PADI4: variants seen among roughly 807,000 people sequenced by gnomAD.
PADI4 encodes protein-arginine deiminase type-4.
In PADI4, 62 loss-of-function variants were observed where a neutral mutation model predicts 75.0. That is an observed-to-expected ratio of 0.83 (90% confidence interval 0.67 to 1.02). The LOEUF (loss-of-function observed/expected upper bound fraction) is 1.02, where lower values mean the gene tolerates loss of function less well. PADI4 is among the 50% of genes least tolerant of loss of function. The pLI is 0.00. For synonymous variants in PADI4, 361 were observed against 348.1 expected, an observed-to-expected ratio of 1.04 and a Z score of -0.41; for missense variants, 845 against 850.5, an observed-to-expected ratio of 0.99 and a Z score of 0.08.
chr1:17,343,448 C>G (rs115312331), intron 8 of PADI4, among the ~76,000 whole-genome samples: 1 of 152,044 alleles, frequency 6.6e-6, no homozygotes, highest in East Asian at 1.9e-4. Flanking sequence ...GTGGTCAGGA[C>G]GCAGGCTGGA....
intron 1 of PADI4, among the ~76,000 whole-genome samples, chr1:17,318,651 T>C (rs2073981123): frequency 6.6e-6 from 1 of 152,080 alleles, no homozygotes. Context: ...TTGCCGTTCA[T>C]ATGCACACAA....
Position 17,354,603 on chromosome 1 carries a change from AC to A in PADI4, c.1228del (p.Leu410TrpfsTer3). 6.2e-7 allele frequency: 1 copy of A among 1,614,146 alleles called. No individual in the cohort carries two copies. The highest frequency in any genetic ancestry group is 8.5e-7 in the Non-Finnish European group (1 of 1,179,996). On this transcript the variant is annotated frameshift_variant, in exon 11 of 16. Transcript: ENST00000375448. LOFTEE classifies it high-confidence loss of function. ...ATCAGTGGACTGGACTCCTTTGGGAACCTGGAAGTGAGCCCCCCAGTCACAG... is the reference window on the plus strand; with the variant it reads ...ATCAGTGGACTGGACTCCTTTGGGAACTGGAAGTGAGCCCCCCAGTCACAG... ...GGISGLDSFG[N>X]LEVSPPVTVR...
chr1:17,330,327 G>A (rs2074187565), intron 1 of PADI4, among the ~76,000 whole-genome samples: 1 of 152,200 alleles, frequency 6.6e-6, no homozygotes, highest in African/African-American at 2.4e-5. Flanking sequence ...GGGAAAAGGA[G>A]TATATTAGTC....
intron 1 of PADI4, among the ~76,000 whole-genome samples, chr1:17,314,485 G>GC (rs1318125202): frequency 2.0e-5 from 3 of 152,198 alleles, no homozygotes; most frequent in Non-Finnish European, 4.4e-5. Context: ...GCCGGGAACT[G>GC]CCCCCTGGGC....
rs1473461931 is a variant in PADI4 at position 17,342,053 on chromosome 1, G to A, written c.763G>A (p.Ala255Thr). The change falls in exon 7 of 16, where the codon GCT becomes ACT. Residue 255 changes from alanine (A) to threonine (T), a missense_variant. Coordinates refer to ENST00000375448, the MANE Select transcript of PADI4 (RefSeq NM_012387.3). ...CATGGACTTCTACGTGGAGGCCCTC[G>A]CTTTCCCGGACACCGACTTCCCGGG... is the stretch of plus-strand genomic sequence containing the variant. Reference protein sequence around the residue: ...HNMDFYVEALAFPDTDFPGLI... With the variant: ...HNMDFYVEALTFPDTDFPGLI... 11 of 1,614,052 alleles carry A rather than the reference G, an allele frequency of 6.8e-6. No individual in the cohort carries two copies. The highest frequency in any genetic ancestry group is 2.7e-5 in the African/African-American group (2 of 75,022).
rs145994265 is a variant in PADI4, at chr1:17,308,360, C to A, written c.92+46C>A. ...GGTTTTGGAGGCAGGTCAGGAGATG[C>A]TGGATGACCCAGTTCTACTGACACA... is the stretch of plus-strand genomic sequence containing the variant. On this transcript the variant is annotated intron_variant, in intron 1 of 15. Transcript: ENST00000375448. The A allele has an allele frequency of 2.7e-3, 3,785 of 1,426,826 alleles. 86 individuals carry two copies. In the African/African-American group the frequency reaches 0.044, roughly 17 times the overall value. The allele number at this position is 1,426,826 out of a possible 1,614,324, so 88.4% of individuals were successfully genotyped here. A position where few individuals can be genotyped will look rare whatever the true frequency, so the allele number is the denominator to read the frequency against.
At chr1:17,310,433 G>A (rs898026243) in intron 1 of PADI4, among the ~76,000 whole-genome samples, 5 of 152,032 alleles carry the variant, frequency 3.3e-5, no homozygotes, top group Non-Finnish European at 5.9e-5. Flanking sequence ...AGCAGCCATC[G>A]GCCTCTTCCT....
At chr1:17,344,478 T>A (rs2074479662) in intron 8 of PADI4, among the ~76,000 whole-genome samples, 1 of 152,210 alleles carries the variant, frequency 6.6e-6, no homozygotes, top group Non-Finnish European at 1.5e-5. Context: ...GAGGAAAATG[T>A]CTCCAGGGCA....
chr1:17,308,348 G>A (rs751486508), intron 1 of PADI4, 34 bp downstream of exon 1: 21 of 1,542,730 alleles, frequency 1.4e-5, no homozygotes, highest in Middle Eastern at 1.7e-4. Context: ...TTTGGAGGCA[G>A]GTCAGGAGAT....
chr1:17,324,315 G>A (rs966025465), intron 1 of PADI4, among the ~76,000 whole-genome samples: 1 of 151,910 alleles, frequency 6.6e-6, no homozygotes, highest in African/African-American at 2.4e-5. Context: ...TTACTTGTTA[G>A]TAAGGTGGAG....
At chr1:17,311,970 G>A (rs943843008) in intron 1 of PADI4, among the ~76,000 whole-genome samples, 4 of 152,126 alleles carry the variant, frequency 2.6e-5, no homozygotes, top group African/African-American at 9.7e-5. Flanking sequence ...ATTATATAAT[G>A]CACACAAAGT....
Position 17,363,519 on chromosome 1 carries a change from C to A in PADI4, c.1759-3C>A. 1.2e-6 allele frequency: 2 copies of A among 1,605,612 alleles called. No individual in the cohort carries two copies. Among genetic ancestry groups the A allele is most frequent in the Non-Finnish European group, 8.5e-7 (1 of 1,173,058 alleles). ...TGTGACCTGAACCCTCACTTCCCTG[C>A]AGGTGAACATGCTGGTGCTAGGGAA... is the stretch of plus-strand genomic sequence containing the variant. On this transcript the variant is annotated splice_region_variant and splice_polypyrimidine_tract_variant and intron_variant, in intron 15 of 15. Coordinates refer to ENST00000375448, the MANE Select transcript of PADI4 (RefSeq NM_012387.3).
chr1:17,353,194 T>C (rs2074697082), intron 10 of PADI4, among the ~76,000 whole-genome samples: 1 of 152,042 alleles, frequency 6.6e-6, no homozygotes, highest in Non-Finnish European at 1.5e-5. Context: ...CCAGGCGCAG[T>C]AGCTCACACC....
intron 15 of PADI4, among the ~76,000 whole-genome samples, chr1:17,361,787 C>G (rs71644045): frequency 6.6e-6 from 1 of 152,214 alleles, no homozygotes; most frequent in Non-Finnish European, 1.5e-5. Flanking sequence ...ACCTGCCAAT[C>G]TAATGGAGGA....
intron 1 of PADI4, among the ~76,000 whole-genome samples, chr1:17,326,968 T>C (rs1428314523): frequency 6.7e-6 from 1 of 148,466 alleles, no homozygotes; most frequent in Non-Finnish European, 1.5e-5. Context: ...TGGGGTACAG[T>C]GGTGCAATAT....
chr1:17,350,237 G>C lies in PADI4; in HGVS notation c.1155+2189G>C, dbSNP rs1357675269. On this transcript the variant is annotated intron_variant, in intron 10 of 15. Transcript: ENST00000375448. The stretch of plus-strand genomic sequence containing the variant: ...GCACAAAGCTTCACACACAGTGGTT[G>C]TTCTTCCTGTAAGCATCGTCAGTAA... 4.6e-5 allele frequency among the ~76,000 whole-genome samples: 6 copies of C among 129,300 alleles called. 2 individuals are homozygous for C. Among genetic ancestry groups the C allele is most frequent in the Non-Finnish European group, 1.0e-4 (6 of 57,294 alleles). 84.8% of individuals were successfully genotyped at this position (129,300 alleles called of 152,430 possible).
At chr1:17,310,694 C>A (rs1283384525) in intron 1 of PADI4, among the ~76,000 whole-genome samples, 2 of 152,156 alleles carry the variant, frequency 1.3e-5, no homozygotes, top group Non-Finnish European at 2.9e-5. Flanking sequence ...GGCACGGTGG[C>A]TTATGCCTGT....
chr1:17,334,886 A>C, intron 3 of PADI4: 1 of 263,046 alleles, frequency 3.8e-6, no homozygotes. Context: ...TCACACCTGC[A>C]ATCCCAGCGC....
intron 10 of PADI4, among the ~76,000 whole-genome samples, chr1:17,352,836 A>G (rs544483035): frequency 6.6e-6 from 1 of 152,200 alleles, no homozygotes; most frequent in East Asian, 1.9e-4. Context: ...TTTGGGAGGG[A>G]AGGGATGCCC....
Sources: allele counts gnomAD v4.1 joint callset (sites outside exome capture counted in the v4.1 genomes callset), GRCh38; gene constraint gnomAD v4.1.1; transcripts MANE v1.5; gene names NCBI Gene and HGNC (gene_info 2026-07-23, HGNC 2026-07-21).